The following RBFOX1 variants were observed in gnomAD, a reference collection of about 807,000 sequenced individuals.
RBFOX1 encodes RNA binding protein fox-1 homolog 1.
RBFOX1 carries 8 observed loss-of-function variants against 57.7 expected under a neutral mutation model. The ratio of observed to expected loss-of-function variants is 0.14; its 90% CI spans 0.08 to 0.25. The LOEUF (loss-of-function observed/expected upper bound fraction) is 0.25, where lower values mean the gene tolerates loss of function less well. Among genes scored for constraint, RBFOX1 ranks in the 10% least tolerant of loss-of-function variants. The pLI, the probability that RBFOX1 is intolerant of heterozygous loss-of-function variation, is 1.00. For missense variants in RBFOX1, 611 were observed against 548.5 expected (o/e 1.11, Z -1.14); for synonymous variants, 326 against 222.4 (o/e 1.47, Z -4.15).
chr16:7,329,630 A>G (rs903332565), intron 4 of RBFOX1, among the ~76,000 whole-genome samples: 1 of 152,258 alleles, frequency 6.6e-6, no homozygotes. Context: ...CTTCAAAAAC[A>G]TAAGTACCGC....
intron 4 of RBFOX1, among the ~76,000 whole-genome samples, chr16:7,236,774 A>G (rs956087871): frequency 6.6e-6 from 1 of 152,150 alleles, no homozygotes; most frequent in Non-Finnish European, 1.5e-5. Flanking sequence ...TTAAAAATGC[A>G]GTCAGTGATA....
chr16:5,420,087 C>T (rs774846932), intron 1 of RBFOX1, among the ~76,000 whole-genome samples: 1 of 152,152 alleles, frequency 6.6e-6, no homozygotes, highest in African/African-American at 2.4e-5. Flanking sequence ...CAGACGGGTG[C>T]TGTTTCAAGC....
chr16:6,882,361 A>T (rs767169832), intron 3 of RBFOX1, among the ~76,000 whole-genome samples: 5 of 152,082 alleles, frequency 3.3e-5, no homozygotes, highest in Non-Finnish European at 4.4e-5. Context: ...GTATAATTAC[A>T]GTTTAGTCAC....
In RBFOX1 at chr16:7,050,616, A is replaced by G. The variant is rs138278346; in HGVS notation, c.-15-1441A>G. On this transcript the variant is annotated intron_variant, in intron 3 of 15. Coordinates refer to ENST00000550418, the MANE Select transcript of RBFOX1 (RefSeq NM_018723.4). ...TTTCACTGTATTTTTAACCCAAGAT[A>G]GGAACCATAATATTGTATATTTCTG... 5.1e-3 allele frequency among the ~76,000 whole-genome samples: 776 copies of G among 152,292 alleles called. 10 individuals carry two copies. The highest frequency in any genetic ancestry group is 0.018 in the African/African-American group (739 of 41,562).
chr16:7,426,281 C>A (rs1408626494), intron 4 of RBFOX1, among the ~76,000 whole-genome samples: 1 of 152,164 alleles, frequency 6.6e-6, no homozygotes, highest in Non-Finnish European at 1.5e-5. Flanking sequence ...CGTCTCCCCG[C>A]TTAATCCTTA....
At chr16:5,942,333 C>G (rs182373801) in intron 4 of RBFOX1, among the ~76,000 whole-genome samples, 2 of 152,052 alleles carry the variant, frequency 1.3e-5, no homozygotes, top group African/African-American at 2.4e-5. Context: ...GTGTGGACAA[C>G]GGTCCTCATA....
At chr16:5,353,100 G>C (rs1396434811) in intron 1 of RBFOX1, among the ~76,000 whole-genome samples, 1 of 151,928 alleles carries the variant, frequency 6.6e-6, no homozygotes, top group African/African-American at 2.4e-5. Context: ...CAGGCTGGGT[G>C]TGGTGGTGCA....
intron 4 of RBFOX1, among the ~76,000 whole-genome samples, chr16:7,128,247 A>G (rs1000292228): frequency 6.6e-6 from 1 of 152,234 alleles, no homozygotes; most frequent in South Asian, 2.1e-4. Context: ...CTTTTTGTAT[A>G]TGAACTCTGT....
At chr16:7,341,755 C>T (rs1272577301) in intron 4 of RBFOX1, among the ~76,000 whole-genome samples, 3 of 115,574 alleles carry the variant, frequency 2.6e-5, no homozygotes, top group East Asian at 3.0e-4. Flanking sequence ...TCCCTCCCTC[C>T]TTCCCTCCTT....
chr16:7,101,268 T>A (rs2062644490), intron 4 of RBFOX1, among the ~76,000 whole-genome samples: 1 of 152,156 alleles, frequency 6.6e-6, no homozygotes, highest in Non-Finnish European at 1.5e-5. Context: ...GTGAGTGCAG[T>A]GCCAGCTCGC....
chr16:6,025,179 C>T (rs1442170612), intron 1 of RBFOX1, among the ~76,000 whole-genome samples: 1 of 152,182 alleles, frequency 6.6e-6, no homozygotes, highest in African/African-American at 2.4e-5. Context: ...AGCATGCCTT[C>T]CTGGCCGGCC....
At chr16:7,062,889 C>A (rs576907594) in intron 4 of RBFOX1, among the ~76,000 whole-genome samples, 2 of 110,346 alleles carry the variant, frequency 1.8e-5, no homozygotes, top group Non-Finnish European at 1.7e-5. Context: ...TTCAAATGAT[C>A]GCCATTTTTT....
chr16:6,933,116 A>C (rs955504419), intron 3 of RBFOX1, among the ~76,000 whole-genome samples: 3 of 152,152 alleles, frequency 2.0e-5, no homozygotes, highest in Non-Finnish European at 4.4e-5. Flanking sequence ...TGTATGTGTA[A>C]ACCACATTTC....
chr16:6,947,406 A>AG (rs1247161758), intron 3 of RBFOX1, among the ~76,000 whole-genome samples: 4 of 152,210 alleles, frequency 2.6e-5, no homozygotes, highest in African/African-American at 9.6e-5. Context: ...TCCTAAGAGA[A>AG]GGAACAGATG....
At chr16:7,283,586 T>C (rs1324734760) in intron 4 of RBFOX1, among the ~76,000 whole-genome samples, 1 of 152,230 alleles carries the variant, frequency 6.6e-6, no homozygotes, top group Admixed American at 6.5e-5. Flanking sequence ...ATCCCCTAGA[T>C]CGCCTCTCCC....
intron 3 of RBFOX1, among the ~76,000 whole-genome samples, chr16:5,772,484 T>A (rs2054013242): frequency 6.6e-6 from 1 of 152,134 alleles, no homozygotes; most frequent in Admixed American, 6.5e-5. Flanking sequence ...TCCCCATCAG[T>A]GTAACTTGAA....
At chr16:5,270,468 A>T (rs1199761602) in intron 1 of RBFOX1, 1 of 754,302 alleles carries the variant, frequency 1.3e-6, no homozygotes, top group East Asian at 2.5e-5. Flanking sequence ...TGCCTGACTA[A>T]CTTCTATGGC....
At chr16:6,982,862 G>A (rs537092770) in intron 3 of RBFOX1, among the ~76,000 whole-genome samples, 21 of 151,862 alleles carry the variant, frequency 1.4e-4, no homozygotes, top group South Asian at 6.2e-4. Context: ...GCATGGTGGC[G>A]GATGCCTGTA....
chr16:7,117,039 G>C (rs1228190231), intron 4 of RBFOX1, among the ~76,000 whole-genome samples: 1 of 152,066 alleles, frequency 6.6e-6, no homozygotes. Flanking sequence ...AAGACAAGAG[G>C]GGACAGTTTT....
Sources: allele counts gnomAD v4.1 joint callset (sites outside exome capture counted in the v4.1 genomes callset), GRCh38; gene constraint gnomAD v4.1.1; transcripts MANE v1.5; gene names NCBI Gene and HGNC (gene_info 2026-07-23, HGNC 2026-07-21).